AFAP1L1: variants seen among roughly 807,000 people sequenced by gnomAD.
AFAP1L1 encodes actin filament-associated protein 1-like 1.
In AFAP1L1, 77 loss-of-function variants were observed where a neutral mutation model predicts 99.8. The observed-to-expected ratio is 0.77, with a 90% CI of 0.64 to 0.93. AFAP1L1 has a LOEUF of 0.93. Ranked by LOEUF, AFAP1L1 falls within the 40% of genes least tolerant of loss-of-function variation. AFAP1L1 has a pLI of 0.00. For missense variants in AFAP1L1, 893 were observed against 996.8 expected, an observed-to-expected ratio of 0.90 and a Z score of 1.40; for synonymous variants, 373 against 395.3, an observed-to-expected ratio of 0.94 and a Z score of 0.67.
chr5:149,332,924 C>T (rs1182591198), intron 17 of AFAP1L1, 51 bp downstream of exon 17: 18 of 1,488,086 alleles, frequency 1.2e-5, no homozygotes, highest in Non-Finnish European at 1.5e-5. Context: ...TGTCCCTCCA[C>T]TCACTACAGA....
chr5:149,320,477 G>A lies in AFAP1L1; in HGVS notation c.1698+14G>A. ...GAAAAGATGCAGGTACAGTCCCTTG[G>A]GGCTGCCCAGGAATGTGGCAAAGGC... is the stretch of plus-strand genomic sequence containing the variant. On this transcript the variant is annotated intron_variant, in intron 14 of 18. Coordinates refer to ENST00000296721, the MANE Select transcript of AFAP1L1 (RefSeq NM_152406.4). The surrounding 1 kb of genome is among the most constrained non-coding windows in gnomAD (Gnocchi z 4.0). 6.2e-7 allele frequency: 1 copy of A among 1,613,682 alleles called. No individual in the cohort carries two copies. The highest frequency in any genetic ancestry group is 8.5e-7 in the Non-Finnish European group (1 of 1,179,652).
chr5:149,277,644 G>A (rs1316757777), intron 1 of AFAP1L1, among the ~76,000 whole-genome samples: 1 of 152,152 alleles, frequency 6.6e-6, no homozygotes, highest in Middle Eastern at 3.2e-3. Context: ...ATATGTCATG[G>A]GTCATCTTTG....
In AFAP1L1 at chr5:149,332,698, C is replaced by A. The variant is rs1757289059; in HGVS notation, c.1979C>A (p.Ala660Glu). The A allele has an allele frequency of 1.2e-6, 2 of 1,608,150 alleles. No individual in the cohort carries two copies. The highest frequency in any genetic ancestry group is 1.3e-5 in the African/African-American group (1 of 74,586). ...TTATCAATGTCTCTTGATTCAGGAG[C>A]AAAATTAAAGGCTCTGGAAGAAGCC... is the stretch of plus-strand genomic sequence containing the variant. ...LKEAIRSSPGAKLKALEEAVA... is the reference protein window; with the variant it reads ...LKEAIRSSPGEKLKALEEAVA... The change falls in exon 17 of 19, where the codon GCA becomes GAA. Residue 660 changes from alanine (A) to glutamate (E), a missense_variant. Coordinates refer to ENST00000296721, the MANE Select transcript of AFAP1L1 (RefSeq NM_152406.4).
chr5:149,329,997 TATC>T (rs1240684055), intron 16 of AFAP1L1, among the ~76,000 whole-genome samples, 167 bp downstream of exon 16: 4 of 152,180 alleles, frequency 2.6e-5, no homozygotes, highest in Admixed American at 1.3e-4. Context: ...TCTTCATCAT[TATC>T]ATCATCATTC....
intron 5 of AFAP1L1, among the ~76,000 whole-genome samples, chr5:149,304,040 C>T (rs1756319453): frequency 6.6e-6 from 1 of 152,216 alleles, no homozygotes; most frequent in Admixed American, 6.5e-5. Context: ...ATTCCCCACC[C>T]CAGCCCCTGC....
rs1390809348 is a variant in AFAP1L1, at chr5:149,320,311, TGA to T, written c.1626-76_1626-75del. The T allele has an allele frequency of 1.4e-5, 19 of 1,373,978 alleles. No homozygotes were observed. In the Middle Eastern group the frequency reaches 5.4e-4, roughly 39 times the overall value. 85.1% of individuals were successfully genotyped at this position (1,373,978 alleles called of 1,614,324 possible). Reference sequence around the variant, plus strand: ...CCTTAAGAGTTTCTGCCAGAATCAATGAGAGTGAGGACACGAAAGCACTGTAA... The same window carrying T: ...CCTTAAGAGTTTCTGCCAGAATCAATGAGTGAGGACACGAAAGCACTGTAA... On this transcript the variant is annotated intron_variant, in intron 13 of 18. Transcript: ENST00000296721. This position sits in a 1 kb window ranked among gnomAD's most constrained non-coding sequence, Gnocchi z 4.0.
intron 1 of AFAP1L1, among the ~76,000 whole-genome samples, chr5:149,288,405 G>A (rs1403189187): frequency 2.6e-5 from 4 of 152,194 alleles, no homozygotes; most frequent in African/African-American, 9.7e-5. Flanking sequence ...AGTAAGTGAG[G>A]TAATCCATGC....
intron 17 of AFAP1L1, 28 bp downstream of exon 17, chr5:149,332,901 G>T: frequency 6.5e-7 from 1 of 1,531,962 alleles, no homozygotes; most frequent in African/African-American, 1.4e-5. Flanking sequence ...CATGCCAGGG[G>T]CAGCTACTCC....
rs1755119454 is a variant in AFAP1L1 at position 149,271,903 on chromosome 5, G to T, written c.-66G>T. 1 of 1,178,928 alleles carries T rather than the reference G, an allele frequency of 8.5e-7. No homozygotes were observed. Among genetic ancestry groups the T allele is most frequent in the African/African-American group, 1.6e-5 (1 of 62,640 alleles). 73.0% of individuals were successfully genotyped at this position (1,178,928 alleles called of 1,614,324 possible). A position where few individuals can be genotyped will look rare whatever the true frequency, so the allele number is the denominator to read the frequency against. On this transcript the variant is annotated 5_prime_UTR_variant, in exon 1 of 19. Coordinates refer to ENST00000296721, the MANE Select transcript of AFAP1L1 (RefSeq NM_152406.4). ...GCTGGCCTGAGAGCGCAGCGCGCCG[G>T]CCGCTACCAGCCGCGCCGGAGCCCC...
intron 1 of AFAP1L1, among the ~76,000 whole-genome samples, chr5:149,279,193 T>C (rs1434614051): frequency 6.6e-6 from 1 of 152,220 alleles, no homozygotes; most frequent in Non-Finnish European, 1.5e-5. Flanking sequence ...TTCGTTGTCC[T>C]GTAGAAGAGG....
chr5:149,337,759 T>TATAC lies in AFAP1L1; in HGVS notation c.2283+2041_2283+2044dup, dbSNP rs538664993. On this transcript the variant is annotated intron_variant, in intron 18 of 18. Transcript: ENST00000296721. ...CCAGAAAGTGATACAACTACAAATA[T>TATAC]ATACATATATATATACATATATATA... 1.8e-3 allele frequency among the ~76,000 whole-genome samples: 269 copies of TATAC among 152,152 alleles called. 1 individual carries two copies. The highest frequency in any genetic ancestry group is 6.1e-3 in the African/African-American group (255 of 41,506).
chr5:149,331,785 G>A (rs1024489919), intron 16 of AFAP1L1, among the ~76,000 whole-genome samples: 1 of 152,122 alleles, frequency 6.6e-6, no homozygotes, highest in Non-Finnish European at 1.5e-5. Context: ...GTGTAGTGGG[G>A]TCCAGGGACT....
intron 15 of AFAP1L1, among the ~76,000 whole-genome samples, chr5:149,328,458 T>C (rs1417749682): frequency 6.6e-6 from 1 of 152,190 alleles, no homozygotes; most frequent in Non-Finnish European, 1.5e-5. Flanking sequence ...CCATTAGCAG[T>C]GGGACCTAAC....
intron 1 of AFAP1L1, 87 bp downstream of exon 1, chr5:149,272,071 G>A: frequency 8.5e-7 from 1 of 1,177,584 alleles, no homozygotes; most frequent in South Asian, 4.3e-5. Context: ...GGAGGAGGGA[G>A]AGAGGCGGGC....
At chr5:149,314,260 A>C (rs2127598043) in intron 9 of AFAP1L1, among the ~76,000 whole-genome samples, 1 of 152,318 alleles carries the variant, frequency 6.6e-6, no homozygotes, top group Non-Finnish European at 1.5e-5. Flanking sequence ...GAGGGAAAGC[A>C]GCGTTGACAG....
At chr5:149,319,153 C>T (rs913972259) in intron 12 of AFAP1L1, among the ~76,000 whole-genome samples, 5 of 152,188 alleles carry the variant, frequency 3.3e-5, no homozygotes, top group Non-Finnish European at 5.9e-5. Context: ...TTCCTATACA[C>T]AGTATTGTAC....
chr5:149,341,015 C>A lies in AFAP1L1; in HGVS notation c.*985C>A, dbSNP rs1443621357. The A allele has an allele frequency of 6.6e-6, 1 of 152,194 alleles. No individual in the cohort carries two copies. The highest frequency in any genetic ancestry group is 2.4e-5 in the African/African-American group (1 of 41,434). 9.4% of individuals were successfully genotyped at this position (152,194 alleles called of 1,614,324 possible). A position where few individuals can be genotyped will look rare whatever the true frequency, so the allele number is the denominator to read the frequency against. ...ACATGGGTGCTAAACCTTTTACAAA[C>A]ACTTGATACTTCTATAGAGGGACCA... On this transcript the variant is annotated 3_prime_UTR_variant, in exon 19 of 19. Coordinates refer to ENST00000296721, the MANE Select transcript of AFAP1L1 (RefSeq NM_152406.4).
At chr5:149,326,010 C>T (rs1757084235) in intron 15 of AFAP1L1, among the ~76,000 whole-genome samples, 1 of 152,114 alleles carries the variant, frequency 6.6e-6, no homozygotes, top group Non-Finnish European at 1.5e-5. Flanking sequence ...GGCCATTGTT[C>T]CCACCCCTGG....
At position 149,293,589 on chromosome 5, in the gene AFAP1L1, T is replaced by C. The variant is rs189648054; in HGVS notation, c.17-5920T>C. Among the ~76,000 whole-genome samples, 1,150 of 152,310 alleles carry C rather than the reference T, an allele frequency of 7.6e-3. 9 individuals carry two copies. Among genetic ancestry groups the C allele is most frequent in the Middle Eastern group, 0.02 (6 of 294 alleles). ...TCATTGGACATCTACTGTGTACTGA[T>C]TGAAACACAGACCCTGTCCTCCTGG... On this transcript the variant is annotated intron_variant, in intron 1 of 18. Coordinates refer to ENST00000296721, the MANE Select transcript of AFAP1L1 (RefSeq NM_152406.4).
Sources: allele counts gnomAD v4.1 joint callset (sites outside exome capture counted in the v4.1 genomes callset), GRCh38; gene constraint gnomAD v4.1.1; non-coding constraint Gnocchi (gnomAD v3.1); transcripts MANE v1.5; gene names NCBI Gene and HGNC (gene_info 2026-07-23, HGNC 2026-07-21).